The following DIP2C variants were observed in gnomAD, a reference collection of about 807,000 sequenced individuals.
The protein encoded by DIP2C is DIP2 acetate--CoA ligase C (putative).
Under a neutral mutation model 192.4 loss-of-function variants are expected in DIP2C, and 33 were observed. That is an observed-to-expected ratio of 0.17 (90% CI 0.13 to 0.23). The LOEUF is 0.23. DIP2C is among the 10% of genes least tolerant of loss of function. The pLI, the probability that DIP2C is intolerant of heterozygous loss-of-function variation, is 1.00. For missense variants in DIP2C, 1,537 were observed against 2,110.1 expected (o/e 0.73, Z 5.32); for synonymous variants, 979 against 864.1 (o/e 1.13, Z -2.33).
chr10:405,803 G>A (rs1964760496), intron 9 of DIP2C, among the ~76,000 whole-genome samples: 1 of 152,182 alleles, frequency 6.6e-6, no homozygotes, highest in Admixed American at 6.5e-5. Flanking sequence ...TCCGGCTGAA[G>A]GATTCCCAGC....
chr10:472,565 A>T lies in DIP2C; in HGVS notation c.158-16T>A, dbSNP rs760077667. 3.1e-6 allele frequency: 5 copies of T among 1,606,152 alleles called. No homozygotes were observed. The Admixed American group carries it at 8.3e-5, about 27-fold the overall frequency. On this transcript the variant is annotated splice_polypyrimidine_tract_variant and intron_variant, in intron 2 of 36. Transcript: ENST00000280886. ...TGGTCCACCCCTGGATTTCAATAAA[A>T]ACAGCAGAGTGAGGTGTGACTGTAC...
intron 1 of DIP2C, among the ~76,000 whole-genome samples, chr10:581,808 A>T (rs1850682425): frequency 6.6e-6 from 1 of 152,086 alleles, no homozygotes. Flanking sequence ...CACCTTTCAA[A>T]ATCTAATCCT....
chr10:664,989 G>A (rs1164739562), intron 1 of DIP2C: 2 of 151,974 alleles, frequency 1.3e-5, no homozygotes, highest in African/African-American at 2.4e-5. Flanking sequence ...CTACTGAATC[G>A]CGACTAGCAG....
rs1172933688 is a variant in DIP2C, at chr10:363,386, C to CAT, written c.2478-77_2478-76dup. 1 of 1,292,026 alleles carries CAT rather than the reference C, an allele frequency of 7.7e-7. No homozygotes were observed. The highest frequency in any genetic ancestry group is 2.4e-5 in the East Asian group (1 of 42,388). 80.0% of individuals were successfully genotyped at this position (1,292,026 alleles called of 1,614,324 possible). ...GCCCTCCCTCCGCCATCAGGGGCTCCATAACCATCACTAGTGAGTGACACA... is the reference window on the plus strand; with the variant it reads ...GCCCTCCCTCCGCCATCAGGGGCTCCATATAACCATCACTAGTGAGTGACACA... On this transcript the variant is annotated intron_variant, in intron 20 of 36. Coordinates refer to ENST00000280886, the MANE Select transcript of DIP2C (RefSeq NM_014974.3). This position sits in a 1 kb window ranked among gnomAD's most constrained non-coding sequence, Gnocchi z 5.4.
chr10:595,699 C>A (rs1272861269), intron 1 of DIP2C, among the ~76,000 whole-genome samples: 1 of 152,182 alleles, frequency 6.6e-6, no homozygotes, highest in South Asian at 2.1e-4. Context: ...CCGCAGGACC[C>A]GCGCCCACCC....
chr10:501,605 A>C (rs1251143804), intron 1 of DIP2C, among the ~76,000 whole-genome samples: 1 of 152,100 alleles, frequency 6.6e-6, no homozygotes, highest in Non-Finnish European at 1.5e-5. Flanking sequence ...CAATAATCAA[A>C]GTGCAAAACC....
Position 679,516 on chromosome 10 carries a change from C to T in DIP2C, c.85+9978G>A, listed in dbSNP as rs1359613920. Among the ~76,000 whole-genome samples the T allele has an allele frequency of 5.8e-4, 16 of 27,782 alleles. 1 individual carries two copies. Among genetic ancestry groups the T allele is most frequent in the Non-Finnish European group, 1.7e-3 (11 of 6,500 alleles). The allele number at this position is 27,782 out of a possible 152,430, so 18.2% of individuals were successfully genotyped here. A position where few individuals can be genotyped will look rare whatever the true frequency, so the allele number is the denominator to read the frequency against. ...CTGCTCCCCACACCCGTGCTCCCCA[C>T]GCCCATGCTCCCCACGCCCATGCTC... On this transcript the variant is annotated intron_variant, in intron 1 of 36. Coordinates refer to ENST00000280886, the MANE Select transcript of DIP2C (RefSeq NM_014974.3).
In DIP2C at chr10:461,990, A is replaced by T. The variant is rs571687618; in HGVS notation, c.268+10449T>A. ...AAGTTCTTTGAAACCAATGAGAACA[A>T]AAGACAATGTACCAGAATCTCTGGG... On this transcript the variant is annotated intron_variant, in intron 3 of 36. Transcript: ENST00000280886. 2.6e-5 allele frequency among the ~76,000 whole-genome samples: 4 copies of T among 152,338 alleles called. No homozygotes were observed. The South Asian group carries it at 8.3e-4, about 32-fold the overall frequency.
chr10:561,070 A>T (rs1401136997), intron 1 of DIP2C, among the ~76,000 whole-genome samples: 1 of 152,130 alleles, frequency 6.6e-6, no homozygotes, highest in African/African-American at 2.4e-5. Flanking sequence ...GATCAAACCA[A>T]TGTACATCTT....
At chr10:659,322 C>A (rs868754868) in intron 1 of DIP2C, among the ~76,000 whole-genome samples, 1 of 152,190 alleles carries the variant, frequency 6.6e-6, no homozygotes, top group Non-Finnish European at 1.5e-5. Flanking sequence ...TGTACAGTAC[C>A]AAGACACATA....
chr10:618,666 T>A (rs999410533), intron 1 of DIP2C, among the ~76,000 whole-genome samples: 3 of 152,236 alleles, frequency 2.0e-5, no homozygotes, highest in African/African-American at 7.2e-5. Context: ...GTTAAAAGAC[T>A]ATCACTCAGC....
rs1359713672 is a variant in DIP2C at position 689,398 on chromosome 10, G to A, written c.85+96C>T. 10 of 741,160 alleles carry A rather than the reference G, an allele frequency of 1.3e-5. No homozygotes were observed. The highest frequency in any genetic ancestry group is 1.9e-5 in the African/African-American group (1 of 51,872). 45.9% of individuals were successfully genotyped at this position (741,160 alleles called of 1,614,324 possible). ...GGGTCGCACCTCCCCCTCCGGGCCC[G>A]GCCCCCGCCCCGCCGCAGGCCCCGC... On this transcript the variant is annotated intron_variant, in intron 1 of 36. Coordinates refer to ENST00000280886, the MANE Select transcript of DIP2C (RefSeq NM_014974.3). This position sits in a 1 kb window ranked among gnomAD's most constrained non-coding sequence, Gnocchi z 6.1.
intron 1 of DIP2C, among the ~76,000 whole-genome samples, chr10:552,116 ACT>A (rs1232025299): frequency 2.0e-5 from 3 of 152,112 alleles, no homozygotes; most frequent in Admixed American, 6.5e-5. Context: ...GGAGAGACAC[ACT>A]CTGTTGTAAC....
In DIP2C at chr10:537,718, C is replaced by CA. The variant is rs148065936; in HGVS notation, c.86-51189dup. Reference sequence around the variant, plus strand: ...GCTGGTAAGTCAACTCTAGGTGGTGCAAACCCATTGCTCTGGCAATAAGCA... The same window carrying CA: ...GCTGGTAAGTCAACTCTAGGTGGTGCAAAACCCATTGCTCTGGCAATAAGCA... On this transcript the variant is annotated intron_variant, in intron 1 of 36. Transcript: ENST00000280886. 6.4e-3 allele frequency among the ~76,000 whole-genome samples: 971 copies of CA among 152,294 alleles called. 12 individuals carry two copies. Among genetic ancestry groups the CA allele is most frequent in the African/African-American group, 0.021 (888 of 41,564 alleles).
At position 579,519 on chromosome 10, in the gene DIP2C, A is replaced by C. The variant is rs536683999; in HGVS notation, c.86-92989T>G. 8.1e-4 allele frequency among the ~76,000 whole-genome samples: 123 copies of C among 152,196 alleles called. 1 individual carries two copies. Among genetic ancestry groups the C allele is most frequent in the African/African-American group, 2.8e-3 (117 of 41,492 alleles). On this transcript the variant is annotated intron_variant, in intron 1 of 36. Transcript: ENST00000280886. ...GTGCACTATGTGTGTACATGCAGAG[A>C]GCATACACACATCCAGATCCATAAA...
intron 1 of DIP2C, among the ~76,000 whole-genome samples, chr10:625,176 G>C (rs898754273): frequency 6.6e-6 from 1 of 152,168 alleles, no homozygotes. Context: ...ATTACAAACA[G>C]CTTGAACTCA....
rs1313619043 is a variant in DIP2C, at chr10:414,903, TA to T, written c.860-794del. Among the ~76,000 whole-genome samples, 129 of 104,756 alleles carry T rather than the reference TA, an allele frequency of 1.2e-3. 2 individuals are homozygous for T. The highest frequency in any genetic ancestry group is 3.4e-3 in the African/African-American group (95 of 27,692). The allele number at this position is 104,756 out of a possible 152,430, so 68.7% of individuals were successfully genotyped here. A position where few individuals can be genotyped will look rare whatever the true frequency, so the allele number is the denominator to read the frequency against. ...GTGTGTGTGTGTGTATATATATATATATATTTTTTTTTTTTTTTGGTAGAGA... is the reference window on the plus strand; with the variant it reads ...GTGTGTGTGTGTGTATATATATATATTATTTTTTTTTTTTTTTGGTAGAGA... On this transcript the variant is annotated intron_variant, in intron 7 of 36. Coordinates refer to ENST00000280886, the MANE Select transcript of DIP2C (RefSeq NM_014974.3).
At position 399,195 on chromosome 10, in the gene DIP2C, C is replaced by A. The variant is rs780500257; in HGVS notation, c.1174G>T (p.Asp392Tyr). 29 of 1,614,072 alleles carry A rather than the reference C, an allele frequency of 1.8e-5. No homozygotes were observed. The highest frequency in any genetic ancestry group is 2.3e-5 in the Non-Finnish European group (27 of 1,180,044). ...DRVALVFPNN[D>Y]PAAFMAAFYG... ...AAAGCCGCCATGAAGGCAGCCGGATCATTGTTGGGGAACACCAGTGCCACC... is the reference window on the plus strand; with the variant it reads ...AAAGCCGCCATGAAGGCAGCCGGATAATTGTTGGGGAACACCAGTGCCACC... Residue 392 changes from aspartate (D) to tyrosine (Y), a missense_variant, in exon 10 of 37, where the codon GAT becomes TAT. Physicochemically the swap from Asp to Tyr is radical, Grantham distance 160 (BLOSUM62 -3). This residue lies in a region of DIP2C where 473 missense variants were observed against 539.6 expected (regional missense o/e 0.88). Transcript: ENST00000280886.
chr10:296,986 A>G, intron 32 of DIP2C, among the ~76,000 whole-genome samples: 1 of 151,852 alleles, frequency 6.6e-6, no homozygotes, highest in Non-Finnish European at 1.5e-5. Flanking sequence ...ATGTATACAT[A>G]TGTAACAAAC....
Sources: gnomAD v4.1 joint callset for allele counts (sites outside exome capture counted in the v4.1 genomes callset) on GRCh38, gnomAD v4.1.1 for gene constraint, gnomAD v4.1.1 regional missense constraint, Gnocchi (gnomAD v3.1) non-coding constraint, MANE v1.5 for transcripts, NCBI Gene and HGNC (gene_info 2026-07-23, HGNC 2026-07-21) for gene names.